Variants in SLC43A2 observed in about 807,000 individuals in gnomAD.
SLC43A2 encodes the protein solute carrier family 43 member 2.
A neutral mutation model predicts 63.2 loss-of-function variants in SLC43A2; 38 were observed. That is an observed-to-expected ratio of 0.60 (90% confidence interval 0.46 to 0.79). The LOEUF is 0.79. SLC43A2 is among the 30% of genes least tolerant of loss of function. SLC43A2 has a pLI of 0.00. For missense variants in SLC43A2, 644 were observed against 756.2 expected (o/e 0.85, Z 1.74); for synonymous variants, 322 against 331.0 (o/e 0.97, Z 0.30).
chr17:1,604,715 A>G (rs1479610377), intron 5 of SLC43A2: 1 of 1,535,036 alleles, frequency 6.5e-7, no homozygotes, highest in Admixed American at 2.0e-5. Flanking sequence ...AGCTCCTTTT[A>G]GACCCATCTG....
rs2075954041 is a variant in SLC43A2, at chr17:1,577,580, A to G, written c.1424+670T>C. ...CACATGTCAGGCTCTGCTGGCCCAGAGGTGGGAAAGGAATCCCAGCAACAC... is the reference window on the plus strand; with the variant it reads ...CACATGTCAGGCTCTGCTGGCCCAGGGGTGGGAAAGGAATCCCAGCAACAC... On this transcript the variant is annotated intron_variant, in intron 12 of 13. Transcript: ENST00000301335. The surrounding 1 kb of genome is among the most constrained non-coding windows in gnomAD (Gnocchi z 4.9). 6.6e-6 allele frequency among the ~76,000 whole-genome samples: 1 copy of G among 152,192 alleles called. No homozygotes were observed. Among genetic ancestry groups the G allele is most frequent in the Non-Finnish European group, 1.5e-5 (1 of 68,038 alleles).
chr17:1,581,202 CCACA>C (rs376885169), intron 11 of SLC43A2, among the ~76,000 whole-genome samples: 5 of 148,474 alleles, frequency 3.4e-5, no homozygotes, highest in South Asian at 2.2e-4. Context: ...TGCCCAGTGC[CCACA>C]CACACACACA....
rs1251265215 is a variant in SLC43A2, at chr17:1,613,671, G to A, written c.425-400C>T. 2.6e-5 allele frequency among the ~76,000 whole-genome samples: 4 copies of A among 152,166 alleles called. No homozygotes were observed. The East Asian group carries it at 5.8e-4, about 22-fold the overall frequency. ...AGGCTGGTCTCGAACTCCTGGCCTC[G>A]GGTGATCTGCCGATCTCAGCCTCCC... On this transcript the variant is annotated intron_variant, in intron 4 of 13. Coordinates refer to ENST00000301335, the MANE Select transcript of SLC43A2 (RefSeq NM_152346.3).
At chr17:1,596,537 A>T (rs1905286648) in intron 5 of SLC43A2, among the ~76,000 whole-genome samples, 1 of 152,190 alleles carries the variant, frequency 6.6e-6, no homozygotes, top group South Asian at 2.1e-4. Context: ...AACAAAAAAT[A>T]GAACATATAA....
chr17:1,577,248 C>T lies in SLC43A2; in HGVS notation c.1425-528G>A, dbSNP rs1004396564. Among the ~76,000 whole-genome samples, 2 of 152,316 alleles carry T rather than the reference C, an allele frequency of 1.3e-5. No homozygotes were observed. Among genetic ancestry groups the T allele is most frequent in the South Asian group, 2.1e-4 (1 of 4,834 alleles). On this transcript the variant is annotated intron_variant, in intron 12 of 13. Coordinates refer to ENST00000301335, the MANE Select transcript of SLC43A2 (RefSeq NM_152346.3). The surrounding 1 kb of genome is among the most constrained non-coding windows in gnomAD (Gnocchi z 4.9). ...GGAGGGCCCACCCCACTCAGCTGTG[C>T]CCAGGGCCTGTGGGTGTCTGGCTGA...
At chr17:1,584,496 T>C (rs2076070898) in intron 10 of SLC43A2, among the ~76,000 whole-genome samples, 1 of 152,152 alleles carries the variant, frequency 6.6e-6, no homozygotes, top group Non-Finnish European at 1.5e-5. Context: ...CCGTAGCTTA[T>C]TATATTAAGG....
rs766564351 is a variant in SLC43A2, at chr17:1,575,691, C to A, written c.1623G>T (p.Gln541His). The change falls in exon 14 of 14, where the codon CAG becomes CAT. Residue 541 changes from glutamine (Q) to histidine (H), a missense_variant. Physicochemically the swap from Gln to His is conservative, Grantham distance 24 (BLOSUM62 0). Transcript: ENST00000301335. ...LPLYLICYRR[Q>H]LERQLQQRQE... ...GCCTCTGCTGCAGCTGCCGCTCCAG[C>A]TGGCGCCGGTAGCAGATCAGGTAGA... is the stretch of plus-strand genomic sequence containing the variant. 2 of 1,614,004 alleles carry A rather than the reference C, an allele frequency of 1.2e-6. No homozygotes were observed. Among genetic ancestry groups the A allele is most frequent in the Non-Finnish European group, 8.5e-7 (1 of 1,180,028 alleles).
chr17:1,611,101 C>T (rs527882710), intron 5 of SLC43A2, among the ~76,000 whole-genome samples: 126 of 152,244 alleles, frequency 8.3e-4, no homozygotes, highest in African/African-American at 2.8e-3. Context: ...CCATCGGCCT[C>T]CCGGAGTGCT....
intron 9 of SLC43A2, chr17:1,587,102 C>CTGCGTTTCCCGCAG: frequency 1.2e-6 from 1 of 837,964 alleles, no homozygotes; most frequent in Non-Finnish European, 1.8e-6. Context: ...GTTTCCCGCA[C>CTGCGTTTCCCGCAG]TGCATTTCCC....
chr17:1,619,280 C>T (rs1907945166), intron 2 of SLC43A2, among the ~76,000 whole-genome samples: 1 of 152,164 alleles, frequency 6.6e-6, no homozygotes, highest in African/African-American at 2.4e-5. Flanking sequence ...CCAGCCTGGG[C>T]AACAGAGTGA....
At chr17:1,627,661 C>CCCCCCCAA in intron 2 of SLC43A2, 54 bp downstream of exon 2, 2 of 849,898 alleles carry the variant, frequency 2.4e-6, no homozygotes, top group East Asian at 3.6e-5. Flanking sequence ...CATCCCGCCC[C>CCCCCCCAA]CTCCCAAAGC....
At chr17:1,594,749 G>A (rs982637834) in intron 5 of SLC43A2, among the ~76,000 whole-genome samples, 30 of 151,470 alleles carry the variant, frequency 2.0e-4, no homozygotes, top group Non-Finnish European at 4.1e-4. Flanking sequence ...CACCACACCC[G>A]GCTAATTTTT....
At chr17:1,626,952 G>T (rs551308770) in intron 2 of SLC43A2, among the ~76,000 whole-genome samples, 6 of 152,198 alleles carry the variant, frequency 3.9e-5, no homozygotes, top group Non-Finnish European at 7.3e-5. Flanking sequence ...CTCCAACAGG[G>T]TATGAAGGTG....
In SLC43A2 at chr17:1,576,727, G is replaced by A; in HGVS notation, c.1425-7C>T. On this transcript the variant is annotated splice_polypyrimidine_tract_variant and splice_region_variant and intron_variant, in intron 12 of 13. Coordinates refer to ENST00000301335, the MANE Select transcript of SLC43A2 (RefSeq NM_152346.3). ...GAACTGGGTGGAGGGGTACCTGCAGGGCAAGCGACAGCTCACAGCCATCCT... is the reference window on the plus strand; with the variant it reads ...GAACTGGGTGGAGGGGTACCTGCAGAGCAAGCGACAGCTCACAGCCATCCT... 1 of 1,608,176 alleles carries A rather than the reference G, an allele frequency of 6.2e-7. No homozygotes were observed.
chr17:1,595,319 T>G (rs35826381), intron 5 of SLC43A2, among the ~76,000 whole-genome samples: 1 of 150,746 alleles, frequency 6.6e-6, no homozygotes, highest in Non-Finnish European at 1.5e-5. Context: ...GGTCTCATTC[T>G]GTTGCCCAGG....
chr17:1,573,406 G>A lies in SLC43A2; in HGVS notation c.*2198C>T, dbSNP rs1304359658. ...TGGAGGCTGGTGGCTCTGATGGTTCGAGCCGTTCCTCGGCAGCACAGCACA... is the reference window on the plus strand; with the variant it reads ...TGGAGGCTGGTGGCTCTGATGGTTCAAGCCGTTCCTCGGCAGCACAGCACA... On this transcript the variant is annotated 3_prime_UTR_variant, in exon 14 of 14. Transcript: ENST00000301335. 1 of 152,288 alleles carries A rather than the reference G, an allele frequency of 6.6e-6. No individual in the cohort carries two copies. The highest frequency in any genetic ancestry group is 1.5e-5 in the Non-Finnish European group (1 of 68,112). 9.4% of individuals were successfully genotyped at this position (152,288 alleles called of 1,614,324 possible).
In SLC43A2 at chr17:1,591,609, A is replaced by G; in HGVS notation, c.685T>C (p.Trp229Arg). 2 of 1,549,430 alleles carry G rather than the reference A, an allele frequency of 1.3e-6. No individual in the cohort carries two copies. Among genetic ancestry groups the G allele is most frequent in the Non-Finnish European group, 1.7e-6 (2 of 1,146,700 alleles). ...GGCCCCGGGAAGGGCTCAAGGGGCCAGTTAAAGAAGCAGTTGAGGAAAACC... is the reference window on the plus strand; with the variant it reads ...GGCCCCGGGAAGGGCTCAAGGGGCCGGTTAAAGAAGCAGTTGAGGAAAACC... ...GLVFLNCFFN[W>R]PLEPFPGPED... The change falls in exon 7 of 14, where the codon TGG (tryptophan) becomes CGG (arginine). Residue 229 changes from tryptophan (W) to arginine (R), a missense_variant. Physicochemically the swap from Trp to Arg is moderately radical, Grantham distance 101. Transcript: ENST00000301335.
intron 1 of SLC43A2, 108 bp from the exon 2 acceptor site, chr17:1,628,028 C>T: frequency 9.0e-7 from 1 of 1,116,118 alleles, no homozygotes; most frequent in South Asian, 4.3e-5. Context: ...CCCTCCCCGG[C>T]CGCGGCGGCC....
At position 1,591,986 on chromosome 17, in the gene SLC43A2, C is replaced by T. The variant is rs538425886; in HGVS notation, c.595-287G>A. On this transcript the variant is annotated intron_variant, in intron 6 of 13. Transcript: ENST00000301335. ...ATGACCACGGCACGTCTTGCAGGCT[C>T]ATAGTGATCGGCCCAGCAGAGGGGA... Among the ~76,000 whole-genome samples, 300 of 152,358 alleles carry T rather than the reference C, an allele frequency of 2.0e-3. 5 individuals are homozygous for T. Among genetic ancestry groups the T allele is most frequent in the South Asian group, 0.017 (84 of 4,830 alleles).
Sources: allele counts gnomAD v4.1 joint callset (sites outside exome capture counted in the v4.1 genomes callset), GRCh38; gene constraint gnomAD v4.1.1; non-coding constraint Gnocchi (gnomAD v3.1); transcripts MANE v1.5; gene names NCBI Gene and HGNC (gene_info 2026-07-23, HGNC 2026-07-21).